XPNPEP3: variants seen among roughly 807,000 people sequenced by gnomAD.
XPNPEP3 encodes the protein xaa-Pro aminopeptidase 3.
In XPNPEP3, 41 loss-of-function variants were observed where a neutral mutation model predicts 60.0. The observed-to-expected ratio is 0.68, with a 90% confidence interval of 0.53 to 0.89. XPNPEP3 has a LOEUF of 0.89. XPNPEP3 is among the 40% of genes least tolerant of loss of function. XPNPEP3 has a pLI of 0.00. For missense variants in XPNPEP3, 598 were observed against 638.9 expected, an observed-to-expected ratio of 0.94 and a Z score of 0.69; for synonymous variants, 212 against 223.2, an observed-to-expected ratio of 0.95 and a Z score of 0.45.
At chr22:40,906,195 C>T (rs141117972) in intron 4 of XPNPEP3, among the ~76,000 whole-genome samples, 98 of 152,198 alleles carry the variant, frequency 6.4e-4, no homozygotes, top group African/African-American at 1.6e-3. Flanking sequence ...CTCATCTCAG[C>T]GTCCTGAAGT....
intron 4 of XPNPEP3, among the ~76,000 whole-genome samples, chr22:40,897,270 T>C (rs1320850284): frequency 6.6e-6 from 1 of 152,084 alleles, no homozygotes; most frequent in Non-Finnish European, 1.5e-5. Flanking sequence ...CCTCGTGATC[T>C]GCCCACCTCG....
At chr22:40,859,398 G>T (rs1474305449) in intron 1 of XPNPEP3, among the ~76,000 whole-genome samples, 1 of 152,134 alleles carries the variant, frequency 6.6e-6, no homozygotes, top group Admixed American at 6.5e-5. Context: ...TGAAGAAATG[G>T]ACTACAGGGC....
At chr22:40,887,110 T>C (rs920467840) in intron 4 of XPNPEP3, among the ~76,000 whole-genome samples, 1 of 152,176 alleles carries the variant, frequency 6.6e-6, no homozygotes, top group African/African-American at 2.4e-5. Flanking sequence ...GTTACACTAA[T>C]AGTGTCAGTT....
rs2058116518 is a variant in XPNPEP3, at chr22:40,898,183, T to TTCTTCTAA, written c.793-9403_793-9396dup. Among the ~76,000 whole-genome samples the TTCTTCTAA allele has an allele frequency of 1.3e-4, 20 of 150,336 alleles. 1 individual carries two copies. The highest frequency in any genetic ancestry group is 3.5e-3 in the Middle Eastern group (1 of 288). ...TGTCATAAAGGTATTCCCCTATGTT[T>TTCTTCTAA]TCTTCTAAGAGTTTTATGTTTTATG... On this transcript the variant is annotated intron_variant, in intron 4 of 9. Coordinates refer to ENST00000357137, the MANE Select transcript of XPNPEP3 (RefSeq NM_022098.4).
At chr22:40,865,996 C>G (rs951768839) in intron 1 of XPNPEP3, among the ~76,000 whole-genome samples, 6 of 152,130 alleles carry the variant, frequency 3.9e-5, no homozygotes, top group Non-Finnish European at 7.3e-5. Context: ...TATATCTAGC[C>G]TAGCACTTTT....
intron 7 of XPNPEP3, among the ~76,000 whole-genome samples, chr22:40,915,303 G>A (rs921460536): frequency 2.6e-5 from 4 of 152,030 alleles, no homozygotes; most frequent in African/African-American, 9.7e-5. Context: ...GGCCAGGCCT[G>A]GTGGCTCATA....
chr22:40,874,898 T>A (rs1201876894), intron 2 of XPNPEP3, among the ~76,000 whole-genome samples: 1 of 152,208 alleles, frequency 6.6e-6, no homozygotes, highest in Non-Finnish European at 1.5e-5. Flanking sequence ...GCCTCTGTAG[T>A]CTCATCCCCA....
chr22:40,926,415 A>G lies in XPNPEP3; in HGVS notation c.1504A>G (p.Ile502Val). The stretch of plus-strand genomic sequence containing the variant: ...CAAAGAGATGAATGACATTGAACAG[A>G]TATGCAGCCAGGCTTCTTGACCTTC... ...CPKEMNDIEQ[I>V]CSQAS Residue 502 changes from isoleucine to valine, a missense_variant, in exon 10 of 10, where the codon ATA becomes GTA. Transcript: ENST00000357137. 6.2e-7 allele frequency: 1 copy of G among 1,614,138 alleles called. No homozygotes were observed.
At position 40,868,845 on chromosome 22, in the gene XPNPEP3, T is replaced by TA. The variant is rs199510231; in HGVS notation, c.65-144dup. 3.5e-4 allele frequency among the ~76,000 whole-genome samples: 53 copies of TA among 149,354 alleles called. No homozygotes were observed. In the East Asian group the frequency reaches 5.8e-3, roughly 16 times the overall value. On this transcript the variant is annotated intron_variant, in intron 1 of 9. Coordinates refer to ENST00000357137, the MANE Select transcript of XPNPEP3 (RefSeq NM_022098.4). ...TGGGTGACAGAGTGAGACTCTGTCT[T>TA]AAAAAAAAAATAAATGAATATTGAA...
chr22:40,915,168 C>T (rs2146275323), intron 7 of XPNPEP3, among the ~76,000 whole-genome samples: 1 of 150,166 alleles, frequency 6.7e-6, no homozygotes, highest in East Asian at 2.0e-4. Flanking sequence ...TCTCCTGCTT[C>T]AGCCTCCCGA....
At position 40,896,262 on chromosome 22, in the gene XPNPEP3, C is replaced by G. The variant is rs151059327; in HGVS notation, c.792+9747C>G. On this transcript the variant is annotated intron_variant, in intron 4 of 9. Transcript: ENST00000357137. ...TGTTGGCCGTGTGAGCTCCTGAGCT[C>G]GAGCACTCTGCCCACCTCGGCCTCC... is the stretch of plus-strand genomic sequence containing the variant. 3.9e-5 allele frequency among the ~76,000 whole-genome samples: 6 copies of G among 152,232 alleles called. No homozygotes were observed. The East Asian group carries it at 9.7e-4, about 25-fold the overall frequency.
intron 2 of XPNPEP3, among the ~76,000 whole-genome samples, chr22:40,880,778 A>G (rs956399277): frequency 7.2e-6 from 1 of 139,054 alleles, no homozygotes; most frequent in African/African-American, 2.7e-5. Flanking sequence ...AGATAGCGAG[A>G]CTCCCTCTCA....
chr22:40,882,182 C>A lies in XPNPEP3; in HGVS notation c.589+5C>A. 2 of 1,613,968 alleles carry A rather than the reference C, an allele frequency of 1.2e-6. No homozygotes were observed. Among genetic ancestry groups the A allele is most frequent in the Non-Finnish European group, 1.7e-6 (2 of 1,180,002 alleles). ...ATCTTCTACCAAAAATGAAAGGTAACAAATGGGAGCAGAAGTCACATTACA... is the reference window on the plus strand; with the variant it reads ...ATCTTCTACCAAAAATGAAAGGTAAAAAATGGGAGCAGAAGTCACATTACA... On this transcript the variant is annotated splice_donor_5th_base_variant and intron_variant, in intron 3 of 9. Coordinates refer to ENST00000357137, the MANE Select transcript of XPNPEP3 (RefSeq NM_022098.4).
chr22:40,914,186 A>G, intron 6 of XPNPEP3, 53 bp from the exon 7 acceptor site: 1 of 1,501,648 alleles, frequency 6.7e-7, no homozygotes, highest in Non-Finnish European at 9.3e-7. Flanking sequence ...GATTACTAGA[A>G]ACAACTTATA....
intron 4 of XPNPEP3, among the ~76,000 whole-genome samples, chr22:40,901,633 C>T (rs898349002): frequency 1.4e-4 from 21 of 152,228 alleles, no homozygotes; most frequent in Admixed American, 7.9e-4. Flanking sequence ...CGCTACCACG[C>T]CTGGCTAATT....
chr22:40,889,239 G>A (rs1297627638), intron 4 of XPNPEP3, among the ~76,000 whole-genome samples: 3 of 151,964 alleles, frequency 2.0e-5, no homozygotes, highest in Admixed American at 1.3e-4. Flanking sequence ...TATCCAGGCT[G>A]GTGTTGAACT....
At position 40,907,016 on chromosome 22, in the gene XPNPEP3, A is replaced by T. The variant is rs370872584; in HGVS notation, c.793-571A>T. The T allele has an allele frequency of 1.9e-4, 85 of 455,912 alleles. No individual in the cohort carries two copies. The East Asian group carries it at 4.9e-3, about 26-fold the overall frequency. 28.2% of individuals were successfully genotyped at this position (455,912 alleles called of 1,614,324 possible). A position where few individuals can be genotyped will look rare whatever the true frequency, so the allele number is the denominator to read the frequency against. ...ATGAGGGCAGAGCCCTCGTGATTTA[A>T]TCACTACCCAAAAGGCCTCACTTCT... On this transcript the variant is annotated intron_variant, in intron 4 of 9. Transcript: ENST00000357137.
intron 2 of XPNPEP3, among the ~76,000 whole-genome samples, chr22:40,870,767 C>T (rs1423586240): frequency 6.6e-6 from 1 of 151,958 alleles, no homozygotes; most frequent in African/African-American, 2.4e-5. Flanking sequence ...ACATGTAATC[C>T]CAGAACTTTG....
At chr22:40,860,440 A>G in intron 1 of XPNPEP3, 2 of 338,044 alleles carry the variant, frequency 5.9e-6, no homozygotes, top group Non-Finnish European at 5.3e-6. Flanking sequence ...CCTTTAAGTT[A>G]TAATGCATCA....
Sources: gnomAD v4.1 joint callset for allele counts (sites outside exome capture counted in the v4.1 genomes callset) on GRCh38, gnomAD v4.1.1 for gene constraint, MANE v1.5 for transcripts, NCBI Gene and HGNC (gene_info 2026-07-23, HGNC 2026-07-21) for gene names.